Variants in BCAS3 observed in about 807,000 individuals in gnomAD.
The protein encoded by BCAS3 is BCAS3 microtubule associated cell migration factor.
BCAS3 carries 53 observed loss-of-function variants against 116.1 expected under a neutral mutation model. That is an observed-to-expected ratio of 0.46 (90% CI 0.37 to 0.57). The LOEUF (loss-of-function observed/expected upper bound fraction) is 0.57, where lower values mean the gene tolerates loss of function less well. Ranked by LOEUF, BCAS3 falls within the 20% of genes least tolerant of loss-of-function variation. The pLI is 0.00. For synonymous variants in BCAS3, 391 were observed against 408.2 expected (o/e 0.96, Z 0.51); for missense variants, 917 against 1,165.4 (o/e 0.79, Z 3.10).
At chr17:61,039,727 A>G (rs762826818) in intron 18 of BCAS3, among the ~76,000 whole-genome samples, 1 of 152,150 alleles carries the variant, frequency 6.6e-6, no homozygotes, top group Non-Finnish European at 1.5e-5. Flanking sequence ...GCCCATGAAC[A>G]TATTTTTTTA....
Position 61,281,104 on chromosome 17 carries a change from A to G in BCAS3, c.2426-87223A>G, listed in dbSNP as rs2051203291. Among the ~76,000 whole-genome samples the G allele has an allele frequency of 6.6e-6, 1 of 151,394 alleles. No homozygotes were observed. The highest frequency in any genetic ancestry group is 2.4e-5 in the African/African-American group (1 of 41,168). On this transcript the variant is annotated intron_variant, in intron 22 of 23. Coordinates refer to ENST00000407086, the MANE Select transcript of BCAS3 (RefSeq NM_017679.5). This position sits in a 1 kb window ranked among gnomAD's most constrained non-coding sequence, Gnocchi z 4.2. ...ATTCTGTGCATCCTTTTTTCTTTGC[A>G]TCGAAAAAATACACTACTATGCACA...
chr17:61,055,493 A>G (rs2069282244), intron 19 of BCAS3, among the ~76,000 whole-genome samples: 1 of 152,094 alleles, frequency 6.6e-6, no homozygotes, highest in Non-Finnish European at 1.5e-5. Context: ...CTTTGTCCAT[A>G]CTCAGAGCAC....
In BCAS3 at chr17:61,144,639, G is replaced by A. The variant is rs994509054; in HGVS notation, c.2425+60075G>A. 6.6e-6 allele frequency among the ~76,000 whole-genome samples: 1 copy of A among 152,190 alleles called. No individual in the cohort carries two copies. The highest frequency in any genetic ancestry group is 2.4e-5 in the African/African-American group (1 of 41,444). ...TTGTTGATCCTCAATAGTCAAAAAA[G>A]TAGTCATTTAACAATACAATATTTC... On this transcript the variant is annotated intron_variant, in intron 22 of 23. Coordinates refer to ENST00000407086, the MANE Select transcript of BCAS3 (RefSeq NM_017679.5). This position sits in a 1 kb window ranked among gnomAD's most constrained non-coding sequence, Gnocchi z 5.0.
In BCAS3 at chr17:61,007,634, C is replaced by T. The variant is rs529968278; in HGVS notation, c.1487-8117C>T. Among the ~76,000 whole-genome samples, 1 of 151,958 alleles carries T rather than the reference C, an allele frequency of 6.6e-6. No homozygotes were observed. The highest frequency in any genetic ancestry group is 1.5e-5 in the Non-Finnish European group (1 of 67,924). ...CATTTAATAAGCCCTAGGCAAAGCT[C>T]CATGCAGGCTACTTTGTATGTAGTG... On this transcript the variant is annotated intron_variant, in intron 15 of 23. Coordinates refer to ENST00000407086, the MANE Select transcript of BCAS3 (RefSeq NM_017679.5). The surrounding 1 kb of genome is among the most constrained non-coding windows in gnomAD (Gnocchi z 4.3).
chr17:61,128,311 G>A lies in BCAS3; in HGVS notation c.2425+43747G>A. On this transcript the variant is annotated intron_variant, in intron 22 of 23. Coordinates refer to ENST00000407086, the MANE Select transcript of BCAS3 (RefSeq NM_017679.5). The surrounding 1 kb of genome is among the most constrained non-coding windows in gnomAD (Gnocchi z 4.1). The stretch of plus-strand genomic sequence containing the variant: ...ATCTACGGCTGAGATGCAGAGGAGA[G>A]ACTTAGTGAAATATGCAGAGCTCCA... 1 of 985,404 alleles carries A rather than the reference G, an allele frequency of 1.0e-6. No homozygotes were observed. Among genetic ancestry groups the A allele is most frequent in the Non-Finnish European group, 1.2e-6 (1 of 829,932 alleles). The allele number at this position is 985,404 out of a possible 1,614,324, so 61.0% of individuals were successfully genotyped here. A position where few individuals can be genotyped will look rare whatever the true frequency, so the allele number is the denominator to read the frequency against.
chr17:60,700,131 G>A (rs904651287), intron 4 of BCAS3, among the ~76,000 whole-genome samples: 3 of 149,652 alleles, frequency 2.0e-5, no homozygotes, highest in Admixed American at 6.6e-5. Context: ...TCATGTTTGT[G>A]TCATTGTACT....
Position 60,967,584 on chromosome 17 carries a change from T to G in BCAS3, c.1221+20232T>G, listed in dbSNP as rs890571572. On this transcript the variant is annotated intron_variant, in intron 14 of 23. Coordinates refer to ENST00000407086, the MANE Select transcript of BCAS3 (RefSeq NM_017679.5). This position sits in a 1 kb window ranked among gnomAD's most constrained non-coding sequence, Gnocchi z 4.7. ...TGGATATTTATATCTTTCTTAAGTT[T>G]TAGAAAGTTTTCCATTATTATTTCT... 6.6e-6 allele frequency among the ~76,000 whole-genome samples: 1 copy of G among 152,222 alleles called. No individual in the cohort carries two copies. The highest frequency in any genetic ancestry group is 1.5e-5 in the Non-Finnish European group (1 of 68,040).
rs555214582 is a variant in BCAS3 at position 61,106,387 on chromosome 17, A to G, written c.2425+21823A>G. The stretch of plus-strand genomic sequence containing the variant: ...TGACCATTGTGTTACAGTTGCCTAC[A>G]GTATTCGGTACAGTAACATACTGCA... On this transcript the variant is annotated intron_variant, in intron 22 of 23. Transcript: ENST00000407086. This position sits in a 1 kb window ranked among gnomAD's most constrained non-coding sequence, Gnocchi z 4.2. 3.1e-4 allele frequency among the ~76,000 whole-genome samples: 47 copies of G among 152,322 alleles called. 1 individual carries two copies. The South Asian group carries it at 9.1e-3, about 30-fold the overall frequency.
At chr17:61,099,450 A>G (rs2074186060) in intron 22 of BCAS3, among the ~76,000 whole-genome samples, 1 of 152,204 alleles carries the variant, frequency 6.6e-6, no homozygotes, top group African/African-American at 2.4e-5. Context: ...CTGAGTCTTT[A>G]TCTTCGTTAC....
chr17:60,951,536 G>T lies in BCAS3; in HGVS notation c.1221+4184G>T, dbSNP rs952255377. On this transcript the variant is annotated intron_variant, in intron 14 of 23. Coordinates refer to ENST00000407086, the MANE Select transcript of BCAS3 (RefSeq NM_017679.5). ...CTTAAGATCCCCAAACATGTTTATT[G>T]TAGATGAAATTGTTCTTAACAGTGC... is the stretch of plus-strand genomic sequence containing the variant. Among the ~76,000 whole-genome samples, 6 of 152,208 alleles carry T rather than the reference G, an allele frequency of 3.9e-5. No homozygotes were observed. The South Asian group carries it at 6.2e-4, about 16-fold the overall frequency.
chr17:60,808,345 C>T (rs1191243947), intron 7 of BCAS3, among the ~76,000 whole-genome samples: 1 of 152,020 alleles, frequency 6.6e-6, no homozygotes, highest in East Asian at 1.9e-4. Context: ...AATATCTTTC[C>T]AGTTAGTGCA....
In BCAS3 at chr17:61,188,673, C is replaced by G. The variant is rs1057389322; in HGVS notation, c.2425+104109C>G. On this transcript the variant is annotated intron_variant, in intron 22 of 23. Transcript: ENST00000407086. The surrounding 1 kb of genome is among the most constrained non-coding windows in gnomAD (Gnocchi z 4.0). ...TACAAGCGAGGAGAGGTCCTTCAGG[C>G]AACTGCTCAGAGTGCTGTGTCGAGC... Among the ~76,000 whole-genome samples, 54 of 152,316 alleles carry G rather than the reference C, an allele frequency of 3.5e-4. No homozygotes were observed. Among genetic ancestry groups the G allele is most frequent in the African/African-American group, 1.1e-3 (45 of 41,566 alleles).
At chr17:60,714,021 G>C (rs1206796410) in intron 5 of BCAS3, among the ~76,000 whole-genome samples, 1 of 152,056 alleles carries the variant, frequency 6.6e-6, no homozygotes, top group Non-Finnish European at 1.5e-5. Context: ...TTTTTTAGTA[G>C]AGATGGGGTT....
intron 4 of BCAS3, among the ~76,000 whole-genome samples, chr17:60,697,717 T>C (rs1245109320): frequency 1.3e-5 from 2 of 151,862 alleles, no homozygotes; most frequent in African/African-American, 4.8e-5. Context: ...CTGAGTGCAG[T>C]CATGGAAGAT....
intron 8 of BCAS3, 44 bp from the exon 9 acceptor site, chr17:60,874,618 A>G: frequency 7.3e-7 from 1 of 1,378,756 alleles, no homozygotes; most frequent in African/African-American, 1.4e-5. Flanking sequence ...AGAATTTCAC[A>G]TTCACTTTTT....
Position 60,690,518 on chromosome 17 carries a change from C to T in BCAS3, c.214+757C>T, listed in dbSNP as rs1210990039. ...CTGGGAGGTCTAGGCTGCAGTGAGC[C>T]GAGATCGTGCCACTGCACTCCAGCC... On this transcript the variant is annotated intron_variant, in intron 4 of 23. Coordinates refer to ENST00000407086, the MANE Select transcript of BCAS3 (RefSeq NM_017679.5). Among the ~76,000 whole-genome samples, 6 of 150,548 alleles carry T rather than the reference C, an allele frequency of 4.0e-5. 1 individual carries two copies. The highest frequency in any genetic ancestry group is 2.1e-4 in the South Asian group (1 of 4,750).
rs527833573 is a variant in BCAS3 at position 60,781,991 on chromosome 17, C to G, written c.404-26013C>G. 6.1e-5 allele frequency among the ~76,000 whole-genome samples: 7 copies of G among 114,278 alleles called. No homozygotes were observed. In the East Asian group the frequency reaches 1.4e-3, roughly 23 times the overall value. 75.0% of individuals were successfully genotyped at this position (114,278 alleles called of 152,430 possible). A position where few individuals can be genotyped will look rare whatever the true frequency, so the allele number is the denominator to read the frequency against. ...TGTCATTGTCCTCACCATCCTCCAC[C>G]TAGAAATTCAGCACACCAGATGAAC... On this transcript the variant is annotated intron_variant, in intron 6 of 23. Coordinates refer to ENST00000407086, the MANE Select transcript of BCAS3 (RefSeq NM_017679.5).
Position 61,248,899 on chromosome 17 carries a change from C to T in BCAS3, c.2426-119428C>T, listed in dbSNP as rs551696626. Among the ~76,000 whole-genome samples the T allele has an allele frequency of 8.4e-4, 128 of 152,232 alleles. No individual in the cohort carries two copies. The highest frequency in any genetic ancestry group is 1.1e-3 in the Non-Finnish European group (73 of 68,002). ...TACTGTCAAATACTTATAAAACTTC[C>T]TTCTTCTTTGCTCTTAAAGATAAGA... On this transcript the variant is annotated intron_variant, in intron 22 of 23. Transcript: ENST00000407086. The surrounding 1 kb of genome is among the most constrained non-coding windows in gnomAD (Gnocchi z 4.3).
In BCAS3 at chr17:60,990,612, G is replaced by C. The variant is rs956252882; in HGVS notation, c.1486+377G>C. Among the ~76,000 whole-genome samples the C allele has an allele frequency of 6.6e-6, 1 of 151,058 alleles. No homozygotes were observed. The highest frequency in any genetic ancestry group is 1.5e-5 in the Non-Finnish European group (1 of 67,858). On this transcript the variant is annotated intron_variant, in intron 15 of 23. Transcript: ENST00000407086. This position sits in a 1 kb window ranked among gnomAD's most constrained non-coding sequence, Gnocchi z 5.1. ...AAATATTCATTGTTGGAAAGAAATAGTCATGGGTAATGTGTATTTTAGATA... is the reference window on the plus strand; with the variant it reads ...AAATATTCATTGTTGGAAAGAAATACTCATGGGTAATGTGTATTTTAGATA...
Sources: gnomAD v4.1 joint callset for allele counts (sites outside exome capture counted in the v4.1 genomes callset) on GRCh38, gnomAD v4.1.1 for gene constraint, Gnocchi (gnomAD v3.1) non-coding constraint, MANE v1.5 for transcripts, NCBI Gene and HGNC (gene_info 2026-07-23, HGNC 2026-07-21) for gene names.